Variants in FRAS1 observed in about 807,000 individuals in gnomAD.
The protein encoded by FRAS1 is extracellular matrix organizing protein FRAS1.
In FRAS1, 290 loss-of-function variants were observed where a neutral mutation model predicts 435.2. The ratio of observed to expected loss-of-function variants is 0.67; its 90% CI spans 0.61 to 0.73. The LOEUF is 0.73. FRAS1 is among the 30% of genes least tolerant of loss of function. FRAS1 has a pLI of 0.00. For missense variants in FRAS1, 4,860 were observed against 5,001.5 expected, an observed-to-expected ratio of 0.97 and a Z score of 0.85; for synonymous variants, 1,800 against 1,851.0, an observed-to-expected ratio of 0.97 and a Z score of 0.71.
intron 14 of FRAS1, among the ~76,000 whole-genome samples, chr4:78,304,889 C>A (rs1489634998): frequency 6.6e-6 from 1 of 151,752 alleles, no homozygotes; most frequent in Non-Finnish European, 1.5e-5. Context: ...TTAGTTATTT[C>A]TTGCCTTCTG....
chr4:78,173,797 G>A (rs1721653773), intron 2 of FRAS1, among the ~76,000 whole-genome samples: 1 of 152,198 alleles, frequency 6.6e-6, no homozygotes. Context: ...CTTACTGGGA[G>A]GCTATGGAGA....
chr4:78,429,302 T>C (rs760611832), intron 36 of FRAS1, 76 bp downstream of exon 36: 5 of 1,487,976 alleles, frequency 3.4e-6, no homozygotes, highest in Non-Finnish European at 4.5e-6. Context: ...AACCTCTTGA[T>C]GGTTGCCAAA....
chr4:78,497,011 C>G, intron 60 of FRAS1, 50 bp downstream of exon 60: 1 of 1,427,184 alleles, frequency 7.0e-7, no homozygotes, highest in Non-Finnish European at 9.7e-7. Flanking sequence ...GGGACATAAA[C>G]TGATGTTTAA....
chr4:78,321,814 AGCCTGGAGTTAAC>A (rs1560653799), intron 18 of FRAS1, among the ~76,000 whole-genome samples: 24 of 148,200 alleles, frequency 1.6e-4, no homozygotes, highest in African/African-American at 6.1e-4. Context: ...ATTGCTCTCC[AGCCTGGAGTTAAC>A]AAAACTTCGT....
chr4:78,068,022 A>G (rs1740137887), intron 2 of FRAS1, among the ~76,000 whole-genome samples: 1 of 151,890 alleles, frequency 6.6e-6, no homozygotes, highest in African/African-American at 2.4e-5. Flanking sequence ...GATACTTGTT[A>G]TTGTAGTTAT....
At chr4:78,278,160 T>A (rs891229833) in intron 9 of FRAS1, among the ~76,000 whole-genome samples, 20 of 152,206 alleles carry the variant, frequency 1.3e-4, no homozygotes, top group African/African-American at 4.8e-4. Context: ...AGTTTCAGAA[T>A]ACTGAGTAAA....
chr4:78,388,774 C>T (rs914737269), intron 29 of FRAS1, among the ~76,000 whole-genome samples: 15 of 152,062 alleles, frequency 9.9e-5, no homozygotes, highest in Non-Finnish European at 2.2e-4. Context: ...CACTACTGTA[C>T]TCCAGCGTGG....
intron 1 of FRAS1, among the ~76,000 whole-genome samples, chr4:78,060,134 CACTTTACAT>C (rs1418407181): frequency 1.3e-5 from 2 of 149,704 alleles, no homozygotes; most frequent in Non-Finnish European, 1.5e-5. Flanking sequence ...CTTTGCTAAG[CACTTTACAT>C]ACTTTATCTC....
At chr4:78,136,377 G>A (rs1300731825) in intron 2 of FRAS1, among the ~76,000 whole-genome samples, 3 of 152,114 alleles carry the variant, frequency 2.0e-5, no homozygotes, top group South Asian at 2.1e-4. Flanking sequence ...ATCAATGACC[G>A]TGAAAGCATT....
At chr4:78,110,418 A>AC (rs1293504105) in intron 2 of FRAS1, among the ~76,000 whole-genome samples, 2 of 115,324 alleles carry the variant, frequency 1.7e-5, no homozygotes, top group Non-Finnish European at 3.6e-5. Context: ...GATCAATGGA[A>AC]CAGAACAGAG....
intron 2 of FRAS1, among the ~76,000 whole-genome samples, chr4:78,102,804 C>T (rs1441487867): frequency 6.6e-6 from 1 of 152,142 alleles, no homozygotes; most frequent in Non-Finnish European, 1.5e-5. Flanking sequence ...AGGTAAAATA[C>T]CTTCATCTAG....
At chr4:78,283,411 T>C (rs1727424249) in intron 12 of FRAS1, among the ~76,000 whole-genome samples, 1 of 152,222 alleles carries the variant, frequency 6.6e-6, no homozygotes, top group Non-Finnish European at 1.5e-5. Flanking sequence ...AAATGGGTTT[T>C]TAAAGTGTAA....
intron 2 of FRAS1, among the ~76,000 whole-genome samples, chr4:78,184,315 G>T (rs994776456): frequency 3.3e-5 from 5 of 152,188 alleles, no homozygotes; most frequent in African/African-American, 1.2e-4. Flanking sequence ...ACTACAGTGG[G>T]AAAACTGTCA....
intron 2 of FRAS1, among the ~76,000 whole-genome samples, chr4:78,236,838 T>A (rs1401217735): frequency 6.6e-6 from 1 of 152,146 alleles, no homozygotes; most frequent in Non-Finnish European, 1.5e-5. Flanking sequence ...ATAGTAACAT[T>A]AAGTTATGTT....
chr4:78,126,340 T>C (rs1489864418), intron 2 of FRAS1, among the ~76,000 whole-genome samples: 1 of 152,206 alleles, frequency 6.6e-6, no homozygotes, highest in Non-Finnish European at 1.5e-5. Flanking sequence ...GGAAATCCCC[T>C]GACCCCTTGC....
In FRAS1 at chr4:78,488,946, A is replaced by T; in HGVS notation, c.8824A>T (p.Thr2942Ser). Residue 2942 changes from threonine (T) to serine (S), a missense_variant, in exon 59 of 74, where the codon ACT becomes TCT. Thr to Ser is a moderately conservative substitution (Grantham distance 58). Transcript: ENST00000512123. ...GGAGGGTGTCCTGCATGTCCCTATCACTCGGAGCGGAGACCTGAGCTATGA... is the reference window on the plus strand; with the variant it reads ...GGAGGGTGTCCTGCATGTCCCTATCTCTCGGAGCGGAGACCTGAGCTATGA... Reference protein sequence around the residue: ...EKEGVLHVPITRSGDLSYESS... With the variant: ...EKEGVLHVPISRSGDLSYESS... 3.1e-6 allele frequency: 5 copies of T among 1,613,422 alleles called. No individual in the cohort carries two copies. Among genetic ancestry groups the T allele is most frequent in the Non-Finnish European group, 4.2e-6 (5 of 1,179,690 alleles).
Position 78,457,636 on chromosome 4 carries a change from C to T in FRAS1, c.6763+5282C>T, listed in dbSNP as rs1049874620. 1.1e-4 allele frequency among the ~76,000 whole-genome samples: 16 copies of T among 152,194 alleles called. 1 individual carries two copies. The highest frequency in any genetic ancestry group is 8.5e-4 in the Admixed American group (13 of 15,284). Reference sequence around the variant, plus strand: ...TCATCAGCTATTTACTAATCACCGACGTACCCACGAAAGTGAGTGCCCTCA... The same window carrying T: ...TCATCAGCTATTTACTAATCACCGATGTACCCACGAAAGTGAGTGCCCTCA... On this transcript the variant is annotated intron_variant, in intron 47 of 73. Coordinates refer to ENST00000512123, the MANE Select transcript of FRAS1 (RefSeq NM_025074.7).
chr4:78,528,179 CA>C (rs1721601954), intron 70 of FRAS1, among the ~76,000 whole-genome samples: 1 of 152,146 alleles, frequency 6.6e-6, no homozygotes, highest in Admixed American at 6.6e-5. Flanking sequence ...CCATCTCAGA[CA>C]GTGGAAAAGA....
intron 2 of FRAS1, among the ~76,000 whole-genome samples, chr4:78,198,868 C>T (rs1722933822): frequency 6.6e-6 from 1 of 152,182 alleles, no homozygotes; most frequent in Non-Finnish European, 1.5e-5. Context: ...TTTATTTTCT[C>T]TGGCTTACTT....
Sources: allele counts gnomAD v4.1 joint callset (sites outside exome capture counted in the v4.1 genomes callset), GRCh38; gene constraint gnomAD v4.1.1; transcripts MANE v1.5; gene names NCBI Gene and HGNC (gene_info 2026-07-23, HGNC 2026-07-21).